Variants in ECHDC2 observed in about 807,000 individuals in gnomAD.
The protein encoded by ECHDC2 is enoyl-CoA hydratase domain containing 2.
ECHDC2 carries 34 observed loss-of-function variants against 40.6 expected under a neutral mutation model. The ratio of observed to expected loss-of-function variants is 0.84; its 90% CI spans 0.64 to 1.11. The LOEUF (loss-of-function observed/expected upper bound fraction) is 1.11, where lower values mean the gene tolerates loss of function less well. Ranked by LOEUF, ECHDC2 falls within the 50% of genes most tolerant of loss-of-function variation. The pLI, the probability that ECHDC2 is intolerant of heterozygous loss-of-function variation, is 0.00. For missense variants in ECHDC2, 392 were observed against 400.7 expected, an observed-to-expected ratio of 0.98 and a Z score of 0.19; for synonymous variants, 162 against 166.6, an observed-to-expected ratio of 0.97 and a Z score of 0.21.
chr1:52,909,846 C>T (rs1292835569), intron 3 of ECHDC2, among the ~76,000 whole-genome samples: 6 of 152,190 alleles, frequency 3.9e-5, no homozygotes, highest in Non-Finnish European at 5.9e-5. Flanking sequence ...AGAGGGCTGA[C>T]GGTACTTGTA....
At chr1:52,919,486 A>G (rs1651431600) in intron 1 of ECHDC2, among the ~76,000 whole-genome samples, 2 of 152,174 alleles carry the variant, frequency 1.3e-5, no homozygotes, top group Admixed American at 6.5e-5. Context: ...TACCCCATCT[A>G]GGACTGTGTA....
intron 4 of ECHDC2, 119 bp from the exon 5 acceptor site, chr1:52,906,730 C>T (rs1459346407): frequency 8.9e-6 from 5 of 559,798 alleles, no homozygotes; most frequent in African/African-American, 7.8e-5. Context: ...GGTCTGGGGA[C>T]ATTACATGGA....
At chr1:52,916,610 T>C (rs1341177196) in intron 1 of ECHDC2, among the ~76,000 whole-genome samples, 1 of 152,348 alleles carries the variant, frequency 6.6e-6, no homozygotes, top group South Asian at 2.1e-4. Flanking sequence ...TAATACAGTA[T>C]CTGAACTTTA....
At chr1:52,917,170 C>G (rs953182033) in intron 1 of ECHDC2, among the ~76,000 whole-genome samples, 1 of 150,864 alleles carries the variant, frequency 6.6e-6, no homozygotes, top group Non-Finnish European at 1.5e-5. Flanking sequence ...TGCAGTGGGC[C>G]GAGATCACGC....
chr1:52,917,246 CT>C (rs1650911309), intron 1 of ECHDC2, among the ~76,000 whole-genome samples: 4 of 150,756 alleles, frequency 2.7e-5, no homozygotes, highest in African/African-American at 9.7e-5. Context: ...AAAGAAACCA[CT>C]GAAGGGTAGT....
At chr1:52,913,454 A>C (rs1317347359) in intron 1 of ECHDC2, 1 of 152,158 alleles carries the variant, frequency 6.6e-6, no homozygotes, top group Non-Finnish European at 1.5e-5. Context: ...AAAGTGATGA[A>C]TATAGCCACA....
chr1:52,897,556 C>T (rs765397775), intron 8 of ECHDC2, 72 bp from the exon 9 acceptor site: 12 of 1,445,468 alleles, frequency 8.3e-6, no homozygotes, highest in South Asian at 5.7e-5. Flanking sequence ...GCCAGCCCAC[C>T]CTATTGCCTA....
chr1:52,897,553 C>T lies in ECHDC2; in HGVS notation c.754-69G>A, dbSNP rs1011403143. 11 of 1,471,876 alleles carry T rather than the reference C, an allele frequency of 7.5e-6. No homozygotes were observed. In the African/African-American group the frequency reaches 1.4e-4, roughly 19 times the overall value. The allele number at this position is 1,471,876 out of a possible 1,614,324, so 91.2% of individuals were successfully genotyped here. On this transcript the variant is annotated intron_variant, in intron 8 of 9. Coordinates refer to ENST00000371522, the MANE Select transcript of ECHDC2 (RefSeq NM_001198961.2). ...TCTTCACCCACACTGGAAGCCAGCC[C>T]ACCCTATTGCCTACAGACATCTATA...
intron 7 of ECHDC2, among the ~76,000 whole-genome samples, chr1:52,902,796 C>T (rs558479888): frequency 2.4e-4 from 37 of 151,782 alleles, no homozygotes; most frequent in South Asian, 1.9e-3. Flanking sequence ...GCCAAAATAC[C>T]GGTGTTGTTT....
chr1:52,900,464 A>C (rs933688915), intron 7 of ECHDC2: 1 of 152,202 alleles, frequency 6.6e-6, no homozygotes, highest in Non-Finnish European at 1.5e-5. Flanking sequence ...ATTCCTTACT[A>C]TGCATATTTA....
At chr1:52,908,462 A>G (rs1443645228) in intron 3 of ECHDC2, among the ~76,000 whole-genome samples, 3 of 152,126 alleles carry the variant, frequency 2.0e-5, no homozygotes, top group Non-Finnish European at 2.9e-5. Context: ...GATCGCACCA[A>G]CTGCACTCCA....
In ECHDC2 at chr1:52,906,671, A is replaced by G. The variant is rs552179313; in HGVS notation, c.365-60T>C. On this transcript the variant is annotated intron_variant, in intron 4 of 9. Transcript: ENST00000371522. Reference sequence around the variant, plus strand: ...CCTGGTGGGACCAGGACAGAGACTCAAGGCTGGGGAGGGGCAAGCTGGTTG... The same window carrying G: ...CCTGGTGGGACCAGGACAGAGACTCGAGGCTGGGGAGGGGCAAGCTGGTTG... 17 of 1,428,942 alleles carry G rather than the reference A, an allele frequency of 1.2e-5. No individual in the cohort carries two copies. In the East Asian group the frequency reaches 4.1e-4, roughly 34 times the overall value. 88.5% of individuals were successfully genotyped at this position (1,428,942 alleles called of 1,614,324 possible). A position where few individuals can be genotyped will look rare whatever the true frequency, so the allele number is the denominator to read the frequency against.
chr1:52,908,608 C>T (rs1648562029), intron 3 of ECHDC2, among the ~76,000 whole-genome samples: 1 of 151,956 alleles, frequency 6.6e-6, no homozygotes, highest in African/African-American at 2.4e-5. Context: ...TAAAGAACTT[C>T]TCCAACTAAA....
At chr1:52,919,647 A>G (rs1651463623) in intron 1 of ECHDC2, among the ~76,000 whole-genome samples, 1 of 152,218 alleles carries the variant, frequency 6.6e-6, no homozygotes, top group Non-Finnish European at 1.5e-5. Flanking sequence ...CTCAAGCTCA[A>G]AGGCAGCAGG....
intron 1 of ECHDC2, among the ~76,000 whole-genome samples, chr1:52,918,548 T>G (rs1204764655): frequency 6.6e-6 from 1 of 152,046 alleles, no homozygotes; most frequent in Non-Finnish European, 1.5e-5. Flanking sequence ...TGTGTGTGCT[T>G]GTGTCTTTGT....
intron 3 of ECHDC2, among the ~76,000 whole-genome samples, chr1:52,910,878 A>G (rs946157624): frequency 7.2e-5 from 11 of 152,194 alleles, no homozygotes; most frequent in Admixed American, 1.3e-4. Context: ...TGCAGGGGTG[A>G]GCAGGAGTAG....
chr1:52,904,378 T>C (rs939655971), intron 7 of ECHDC2, among the ~76,000 whole-genome samples: 1 of 152,228 alleles, frequency 6.6e-6, no homozygotes, highest in African/African-American at 2.4e-5. Flanking sequence ...ATAGAACATT[T>C]ATCTCATCTC....
rs193197578 is a variant in ECHDC2, at chr1:52,908,749, C to T, written c.278-795G>A. Reference sequence around the variant, plus strand: ...ACGAGTTCAAGACCAGCCTGGCCAACGTGGTGAAACAGTGTCTCTACTAAA... The same window carrying T: ...ACGAGTTCAAGACCAGCCTGGCCAATGTGGTGAAACAGTGTCTCTACTAAA... On this transcript the variant is annotated intron_variant, in intron 3 of 9. Coordinates refer to ENST00000371522, the MANE Select transcript of ECHDC2 (RefSeq NM_001198961.2). 6.6e-3 allele frequency among the ~76,000 whole-genome samples: 995 copies of T among 151,828 alleles called. 6 individuals carry two copies. The highest frequency in any genetic ancestry group is 0.021 in the African/African-American group (859 of 41,374).
In ECHDC2 at chr1:52,905,030, T is replaced by C. The variant is rs754131435; in HGVS notation, c.514+4A>G. On this transcript the variant is annotated splice_donor_region_variant and intron_variant, in intron 6 of 9. Transcript: ENST00000371522. ...AATTGGGCGGGTGCTGTAGTTGCGA[T>C]TACCTGCCCCCGGGAGGAGCCCTCG... The C allele has an allele frequency of 6.2e-7, 1 of 1,614,160 alleles. No homozygotes were observed. The highest frequency in any genetic ancestry group is 1.1e-5 in the South Asian group (1 of 91,086).
Sources: gnomAD v4.1 joint callset for allele counts (sites outside exome capture counted in the v4.1 genomes callset) on GRCh38, gnomAD v4.1.1 for gene constraint, MANE v1.5 for transcripts, NCBI Gene and HGNC (gene_info 2026-07-23, HGNC 2026-07-21) for gene names.